The following PID1 variants were observed in gnomAD, a reference collection of about 807,000 sequenced individuals.
PID1 encodes the protein PTB-containing, cubilin and LRP1-interacting protein.
In PID1, 10 loss-of-function variants were observed where a neutral mutation model predicts 19.1. That is an observed-to-expected ratio of 0.52 (90% CI 0.32 to 0.89). The LOEUF is 0.89. Ranked by LOEUF, PID1 falls within the 40% of genes least tolerant of loss-of-function variation. The pLI is 0.03. For synonymous variants in PID1, 130 were observed against 116.0 expected, an observed-to-expected ratio of 1.12 and a Z score of -0.78; for missense variants, 248 against 285.3, an observed-to-expected ratio of 0.87 and a Z score of 0.94.
intron 2 of PID1, among the ~76,000 whole-genome samples, chr2:229,042,500 C>G (rs1334875761): frequency 1.3e-5 from 2 of 152,156 alleles, no homozygotes; most frequent in African/African-American, 4.8e-5. Context: ...CTCATGCTGG[C>G]TGGATCAATC....
At chr2:229,258,511 C>T (rs1690364397) in intron 1 of PID1, among the ~76,000 whole-genome samples, 1 of 152,176 alleles carries the variant, frequency 6.6e-6, no homozygotes, top group East Asian at 1.9e-4. Context: ...CTCCCAACAT[C>T]TAGCACTATG....
chr2:229,232,596 C>T (rs1692234097), intron 1 of PID1, among the ~76,000 whole-genome samples: 2 of 151,240 alleles, frequency 1.3e-5, no homozygotes, highest in South Asian at 4.2e-4. Context: ...ACCTAACGTT[C>T]CTCTCCCTTT....
chr2:229,257,321 G>A (rs1574763622), intron 1 of PID1, among the ~76,000 whole-genome samples: 2 of 152,296 alleles, frequency 1.3e-5, no homozygotes, highest in Admixed American at 1.3e-4. Flanking sequence ...CTAACTGCTC[G>A]TGTGACTTCC....
chr2:229,233,645 C>A (rs1391754874), intron 1 of PID1, among the ~76,000 whole-genome samples: 1 of 152,272 alleles, frequency 6.6e-6, no homozygotes, highest in East Asian at 1.9e-4. Context: ...GCACCCACCA[C>A]CACGCCTGAC....
chr2:229,113,413 TATATATATACACACACATAC>T (rs1188119890), intron 2 of PID1, among the ~76,000 whole-genome samples: 1 of 139,306 alleles, frequency 7.2e-6, no homozygotes, highest in East Asian at 2.0e-4. Flanking sequence ...TATATATTTA[TATATATATACACACACATAC>T]ATATATATAC....
At chr2:229,079,252 G>A (rs142339379) in intron 2 of PID1, among the ~76,000 whole-genome samples, 1 of 152,094 alleles carries the variant, frequency 6.6e-6, no homozygotes, top group Admixed American at 6.5e-5. Flanking sequence ...AAGCCTCTTT[G>A]GGACCTCCTT....
chr2:229,145,127 C>T (rs781603959), intron 2 of PID1, among the ~76,000 whole-genome samples: 23 of 122,782 alleles, frequency 1.9e-4, no homozygotes, highest in Non-Finnish European at 2.8e-4. Flanking sequence ...AATGACATAA[C>T]GAATGCTGAG....
chr2:229,083,390 A>G (rs1457713622), intron 2 of PID1, among the ~76,000 whole-genome samples: 1 of 152,232 alleles, frequency 6.6e-6, no homozygotes, highest in Non-Finnish European at 1.5e-5. Context: ...AAACATTAAA[A>G]GAATTTTTTT....
chr2:229,117,035 C>T (rs1168935317), intron 2 of PID1, among the ~76,000 whole-genome samples: 2 of 152,130 alleles, frequency 1.3e-5, no homozygotes, highest in Non-Finnish European at 1.5e-5. Context: ...CTGTTGACCT[C>T]GTCCTCCCAC....
intron 2 of PID1, among the ~76,000 whole-genome samples, chr2:229,136,650 C>A (rs967815661): frequency 3.3e-5 from 5 of 152,160 alleles, no homozygotes; most frequent in African/African-American, 1.2e-4. Context: ...CATTAAAAAT[C>A]AATTAAGGAA....
chr2:229,221,344 C>T lies in PID1; in HGVS notation c.30+49670G>A, dbSNP rs566589371. 3.3e-5 allele frequency among the ~76,000 whole-genome samples: 5 copies of T among 152,260 alleles called. No individual in the cohort carries two copies. The East Asian group carries it at 7.7e-4, about 24-fold the overall frequency. ...CTTCTCACTCCATGTTCCCTGGTTC[C>T]TTCCTCCACTTCTGTCCCCACTCCA... On this transcript the variant is annotated intron_variant, in intron 1 of 2. Transcript: ENST00000392055.
At position 229,025,450 on chromosome 2, in the gene PID1, A is replaced by T; in HGVS notation, c.*182T>A. On this transcript the variant is annotated 3_prime_UTR_variant, in exon 3 of 3. Transcript: ENST00000392055. ...ACAGTCACAGCAGCAGCAGGTTTCA[A>T]TGTAACGTAATTACTTTAATGATAC... 1 of 601,390 alleles carries T rather than the reference A, an allele frequency of 1.7e-6. No homozygotes were observed. Among genetic ancestry groups the T allele is most frequent in the Non-Finnish European group, 3.0e-6 (1 of 337,862 alleles). 37.3% of individuals were successfully genotyped at this position (601,390 alleles called of 1,614,324 possible). A position where few individuals can be genotyped will look rare whatever the true frequency, so the allele number is the denominator to read the frequency against.
chr2:229,243,683 A>T (rs1689931972), intron 1 of PID1, among the ~76,000 whole-genome samples: 1 of 152,172 alleles, frequency 6.6e-6, no homozygotes, highest in Admixed American at 6.5e-5. Flanking sequence ...AGAATGAAAC[A>T]AAGTATCTGC....
chr2:229,054,775 G>A (rs1476125117), intron 2 of PID1, among the ~76,000 whole-genome samples: 15 of 142,928 alleles, frequency 1.0e-4, no homozygotes, highest in African/African-American at 4.0e-4. Flanking sequence ...CAATATTCCT[G>A]ACCTATCAGT....
chr2:229,028,851 G>T (rs898747691), intron 2 of PID1, among the ~76,000 whole-genome samples: 1 of 152,154 alleles, frequency 6.6e-6, no homozygotes. Context: ...AATTTCATAC[G>T]AAGTTACCCT....
intron 2 of PID1, among the ~76,000 whole-genome samples, chr2:229,155,229 C>T (rs1438247688): frequency 2.6e-5 from 4 of 152,066 alleles, no homozygotes; most frequent in Non-Finnish European, 5.9e-5. Flanking sequence ...CACAGAGCTA[C>T]AGAAATCACA....
At chr2:229,143,475 GAAACAAGA>G in intron 2 of PID1, among the ~76,000 whole-genome samples, 1 of 152,208 alleles carries the variant, frequency 6.6e-6, no homozygotes, top group Non-Finnish European at 1.5e-5. Flanking sequence ...GAACTGTTAA[GAAACAAGA>G]GTCTCCAAAT....
chr2:229,264,607 A>G (rs1374704646), intron 1 of PID1, among the ~76,000 whole-genome samples: 3 of 152,216 alleles, frequency 2.0e-5, no homozygotes, highest in Non-Finnish European at 4.4e-5. Context: ...CATTGAGAAT[A>G]AAAGGAGCTT....
At chr2:229,158,192 C>T (rs1690420396) in intron 1 of PID1, among the ~76,000 whole-genome samples, 1 of 152,134 alleles carries the variant, frequency 6.6e-6, no homozygotes, top group Non-Finnish European at 1.5e-5. Flanking sequence ...TTTAAAAACA[C>T]CAGGACTATT....
Sources: gnomAD v4.1 joint callset for allele counts (sites outside exome capture counted in the v4.1 genomes callset) on GRCh38, gnomAD v4.1.1 for gene constraint, MANE v1.5 for transcripts, NCBI Gene and HGNC (gene_info 2026-07-23, HGNC 2026-07-21) for gene names.